ROBO2: variants seen among roughly 807,000 people sequenced by gnomAD.
ROBO2 encodes the protein roundabout homolog 2.
ROBO2 carries 53 observed loss-of-function variants against 160.8 expected under a neutral mutation model. The observed-to-expected ratio is 0.33, with a 90% CI of 0.26 to 0.41. ROBO2 has a LOEUF of 0.41. ROBO2 is among the 10% of genes least tolerant of loss of function. The probability of loss-of-function intolerance (pLI) is 1.00; values close to 1 mark genes in which losing one functional copy is unlikely to be tolerated. For missense variants in ROBO2, 1,577 were observed against 1,722.4 expected (o/e 0.92, Z 1.49); for synonymous variants, 664 against 611.7 (o/e 1.09, Z -1.26).
At chr3:76,503,020 G>A (rs2080564821) in intron 2 of ROBO2, among the ~76,000 whole-genome samples, 1 of 141,404 alleles carries the variant, frequency 7.1e-6, no homozygotes, top group Admixed American at 6.8e-5. Flanking sequence ...GTGTGTGTGT[G>A]CGCGCGCACG....
intron 2 of ROBO2, among the ~76,000 whole-genome samples, chr3:76,754,724 TA>T (rs1269197100): frequency 6.6e-6 from 1 of 151,886 alleles, no homozygotes; most frequent in African/African-American, 2.4e-5. Flanking sequence ...TTATTGCTAA[TA>T]ACATACTTGA....
At chr3:77,018,034 A>T (rs892901045) in intron 2 of ROBO2, among the ~76,000 whole-genome samples, 1 of 152,118 alleles carries the variant, frequency 6.6e-6, no homozygotes, top group African/African-American at 2.4e-5. Context: ...CTGCATATAA[A>T]AAAGCTTAAT....
intron 2 of ROBO2, among the ~76,000 whole-genome samples, chr3:76,690,236 T>G (rs1407825268): frequency 6.6e-6 from 1 of 152,128 alleles, no homozygotes; most frequent in Non-Finnish European, 1.5e-5. Flanking sequence ...GGAGTATCTG[T>G]GGAGCCATAT....
At chr3:77,137,399 TA>T (rs2150397086) in intron 2 of ROBO2, among the ~76,000 whole-genome samples, 1 of 152,268 alleles carries the variant, frequency 6.6e-6, no homozygotes, top group African/African-American at 2.4e-5. Context: ...GCTAATTTTG[TA>T]TTTCTAGTAG....
At chr3:77,508,814 T>A (rs925679537) in intron 5 of ROBO2, among the ~76,000 whole-genome samples, 14 of 152,224 alleles carry the variant, frequency 9.2e-5, no homozygotes, top group African/African-American at 2.6e-4. Flanking sequence ...AAAATTTTTT[T>A]AAAAAACAAC....
exon 10 of ROBO2, chr3:77,562,683 T>A: frequency 1.9e-6 from 3 of 1,612,718 alleles, no homozygotes; most frequent in Non-Finnish European, 2.5e-6. Flanking sequence ...CTTGTGTGGC[T>A]ACAAGTTCAA....
At chr3:76,462,597 T>G in intron 2 of ROBO2, among the ~76,000 whole-genome samples, 1 of 143,086 alleles carries the variant, frequency 7.0e-6, no homozygotes, top group East Asian at 2.0e-4. Flanking sequence ...ACCCTAAAAC[T>G]TAAAGTATTA....
chr3:76,859,402 C>T (rs892991308), intron 2 of ROBO2, among the ~76,000 whole-genome samples: 6 of 152,046 alleles, frequency 3.9e-5, no homozygotes, highest in East Asian at 1.9e-4. Flanking sequence ...CTTGGAGATG[C>T]GGGTGCTAAA....
At chr3:77,618,013 C>G in intron 22 of ROBO2, 1 of 537,768 alleles carries the variant, frequency 1.9e-6, no homozygotes, top group South Asian at 2.1e-5. Context: ...GTAACTAGAA[C>G]TAGAACTAAA....
chr3:76,833,384 A>G (rs190241275), intron 2 of ROBO2, among the ~76,000 whole-genome samples: 34 of 152,330 alleles, frequency 2.2e-4, no homozygotes, highest in African/African-American at 6.5e-4. Flanking sequence ...AAGGTGTCAG[A>G]TATTTCAGCA....
chr3:76,732,998 G>T (rs1560463822), intron 2 of ROBO2, among the ~76,000 whole-genome samples: 1 of 141,664 alleles, frequency 7.1e-6, no homozygotes. Flanking sequence ...TGGGGGTGGG[G>T]GGGGGAGGTG....
intron 2 of ROBO2, among the ~76,000 whole-genome samples, chr3:76,732,977 T>C (rs2093658628): frequency 7.1e-6 from 1 of 141,656 alleles, no homozygotes; most frequent in Non-Finnish European, 1.5e-5. Context: ...ACTGATGACA[T>C]TTCAGTTGAC....
intron 2 of ROBO2, among the ~76,000 whole-genome samples, chr3:77,132,577 A>G (rs568052144): frequency 6.6e-6 from 1 of 152,274 alleles, no homozygotes; most frequent in Non-Finnish European, 1.5e-5. Flanking sequence ...AAATGTCTCT[A>G]TAACATTAGA....
At chr3:76,728,459 T>A (rs1429020839) in intron 2 of ROBO2, among the ~76,000 whole-genome samples, 1 of 152,240 alleles carries the variant, frequency 6.6e-6, no homozygotes, top group Non-Finnish European at 1.5e-5. Context: ...TATTGCAAAT[T>A]GTATTTTGCC....
chr3:76,827,097 A>G (rs2109249734), intron 2 of ROBO2, among the ~76,000 whole-genome samples: 1 of 152,294 alleles, frequency 6.6e-6, no homozygotes, highest in East Asian at 1.9e-4. Flanking sequence ...GTAGAGTTGC[A>G]TTGGTATCGT....
intron 22 of ROBO2, among the ~76,000 whole-genome samples, chr3:77,621,380 C>A (rs143495171): frequency 6.6e-6 from 1 of 151,964 alleles, no homozygotes; most frequent in Non-Finnish European, 1.5e-5. Flanking sequence ...GAGCCATGAT[C>A]GCATCACTGC....
intron 2 of ROBO2, among the ~76,000 whole-genome samples, chr3:77,409,122 T>TATAG (rs2076499182): frequency 6.7e-6 from 1 of 148,344 alleles, no homozygotes; most frequent in African/African-American, 2.5e-5. Context: ...TATATATATA[T>TATAG]AGTCTTTTAC....
chr3:76,466,476 G>T (rs1221724515), intron 2 of ROBO2, among the ~76,000 whole-genome samples: 1 of 151,846 alleles, frequency 6.6e-6, no homozygotes, highest in Non-Finnish European at 1.5e-5. Context: ...AAATTGATAT[G>T]CAATGCTCTA....
intron 1 of ROBO2, among the ~76,000 whole-genome samples, chr3:75,916,817 T>G (rs1190064340): frequency 1.8e-3 from 8 of 4,352 alleles, no homozygotes; most frequent in Non-Finnish European, 3.4e-3. Flanking sequence ...TCTTTAGTTC[T>G]TAGCTGATGA....
Sources: gnomAD v4.1 joint callset for allele counts (sites outside exome capture counted in the v4.1 genomes callset) on GRCh38, gnomAD v4.1.1 for gene constraint, MANE v1.5 for transcripts, NCBI Gene and HGNC (gene_info 2026-07-23, HGNC 2026-07-21) for gene names.